RASA1: variants seen among roughly 807,000 people sequenced by gnomAD.
The protein encoded by RASA1 is ras GTPase-activating protein 1.
Under a neutral mutation model 132.2 loss-of-function variants are expected in RASA1, and 25 were observed. The ratio of observed to expected loss-of-function variants is 0.19; its 90% CI spans 0.14 to 0.26. The LOEUF is 0.26. Ranked by LOEUF, RASA1 falls within the 10% of genes least tolerant of loss-of-function variation. The pLI is 1.00. For missense variants in RASA1, 964 were observed against 1,299.2 expected (o/e 0.74, Z 3.97); for synonymous variants, 477 against 449.9 (o/e 1.06, Z -0.76).
intron 1 of RASA1, among the ~76,000 whole-genome samples, chr5:87,270,420 T>A (rs1753774542): frequency 6.8e-6 from 1 of 146,900 alleles, no homozygotes; most frequent in Non-Finnish European, 1.5e-5. Context: ...TGATCTCGGC[T>A]CACTGCAACC....
chr5:87,358,261 C>G (rs1450183720), intron 9 of RASA1, among the ~76,000 whole-genome samples: 1 of 152,128 alleles, frequency 6.6e-6, no homozygotes. Context: ...CCTTTTGAGA[C>G]AATATACCCC....
chr5:87,323,196 A>G (rs1756954407), intron 1 of RASA1, among the ~76,000 whole-genome samples: 1 of 152,220 alleles, frequency 6.6e-6, no homozygotes, highest in Non-Finnish European at 1.5e-5. Context: ...ATGACTTTTG[A>G]GTAAATTGTG....
At position 87,267,902 on chromosome 5, in the gene RASA1, T is replaced by G; in HGVS notation, c.-550T>G. The G allele has an allele frequency of 4.4e-5, 17 of 382,582 alleles. No individual in the cohort carries two copies. The highest frequency in any genetic ancestry group is 6.6e-4 in the Middle Eastern group (1 of 1,506). The allele number at this position is 382,582 out of a possible 1,614,324, so 23.7% of individuals were successfully genotyped here. On this transcript the variant is annotated 5_prime_UTR_variant, in exon 1 of 25. Transcript: ENST00000274376. ...CGTTTCACTCACTGAGAGCTCCAGG[T>G]AGTGAGCAGTTCAGTCGATTTCCTC...
At chr5:87,351,166 T>C (rs1226219921) in intron 8 of RASA1, among the ~76,000 whole-genome samples, 1 of 151,416 alleles carries the variant, frequency 6.6e-6, no homozygotes, top group Non-Finnish European at 1.5e-5. Flanking sequence ...TTAATGTTCC[T>C]ATATTCAGAG....
chr5:87,292,103 C>G lies in RASA1; in HGVS notation c.539+23113C>G, dbSNP rs115245019. Reference sequence around the variant, plus strand: ...AGATGTGTCTTTTGAAAATATTTTTCTCCCAGTCTATGGTTTGTCTTTTCA... The same window carrying G: ...AGATGTGTCTTTTGAAAATATTTTTGTCCCAGTCTATGGTTTGTCTTTTCA... On this transcript the variant is annotated intron_variant, in intron 1 of 24. Coordinates refer to ENST00000274376, the MANE Select transcript of RASA1 (RefSeq NM_002890.3). Among the ~76,000 whole-genome samples, 896 of 152,214 alleles carry G rather than the reference C, an allele frequency of 5.9e-3. 4 individuals are homozygous for G. The highest frequency in any genetic ancestry group is 0.019 in the African/African-American group (808 of 41,536).
chr5:87,298,191 C>T (rs1052011500), intron 1 of RASA1, among the ~76,000 whole-genome samples: 6 of 151,806 alleles, frequency 4.0e-5, no homozygotes, highest in African/African-American at 1.2e-4. Flanking sequence ...GGGTGGATCA[C>T]GAGGTCAGGA....
intron 1 of RASA1, among the ~76,000 whole-genome samples, chr5:87,287,176 A>G (rs1233862468): frequency 2.8e-5 from 4 of 144,306 alleles, no homozygotes; most frequent in African/African-American, 1.0e-4. Context: ...TATACACACC[A>G]TATATATATA....
chr5:87,293,250 AT>A (rs1164236637), intron 1 of RASA1, among the ~76,000 whole-genome samples: 109 of 143,420 alleles, frequency 7.6e-4, no homozygotes, highest in Middle Eastern at 3.5e-3. Context: ...TTTTTGGTAG[AT>A]TTTTTTTTTT....
chr5:87,385,697 CACAA>C (rs930059107), intron 22 of RASA1, among the ~76,000 whole-genome samples: 5 of 151,948 alleles, frequency 3.3e-5, no homozygotes, highest in African/African-American at 2.4e-5. Flanking sequence ...AAATTTATTT[CACAA>C]ACATTCACTG....
chr5:87,322,174 A>C (rs1756870423), intron 1 of RASA1, among the ~76,000 whole-genome samples: 1 of 152,104 alleles, frequency 6.6e-6, no homozygotes, highest in South Asian at 2.1e-4. Flanking sequence ...AGGGGTCCTC[A>C]ACCCCTACTC....
chr5:87,376,481 T>TCAA lies in RASA1; in HGVS notation c.2100_2101insCAA (p.Gly700_Ile701insGln). Reference sequence around the variant, plus strand: ...TCAGCTCCCATATACCATTAAAAGGTATTGAACCAGGGTCCCTGCGTGTTC... The same window carrying TCAA: ...TCAGCTCCCATATACCATTAAAAGGTCAAATTGAACCAGGGTCCCTGCGTGTTC... On this transcript the variant is annotated inframe_insertion, in exon 16 of 25. Transcript: ENST00000274376. 6.2e-7 allele frequency: 1 copy of TCAA among 1,613,988 alleles called. No individual in the cohort carries two copies. The highest frequency in any genetic ancestry group is 8.5e-7 in the Non-Finnish European group (1 of 1,179,980).
chr5:87,294,999 T>G (rs1289420030), intron 1 of RASA1, among the ~76,000 whole-genome samples: 1 of 152,090 alleles, frequency 6.6e-6, no homozygotes, highest in Admixed American at 6.5e-5. Flanking sequence ...AAGTTCTGGT[T>G]TTTTTTTATT....
chr5:87,309,083 T>G (rs938089535), intron 1 of RASA1, among the ~76,000 whole-genome samples: 1 of 152,178 alleles, frequency 6.6e-6, no homozygotes, highest in African/African-American at 2.4e-5. Flanking sequence ...TGCCACTGGC[T>G]CTCAGTTTCC....
At chr5:87,274,470 A>G (rs1753983253) in intron 1 of RASA1, among the ~76,000 whole-genome samples, 1 of 152,192 alleles carries the variant, frequency 6.6e-6, no homozygotes, top group Admixed American at 6.5e-5. Context: ...AGACTTGCTA[A>G]GATTAGTTAC....
At position 87,336,491 on chromosome 5, in the gene RASA1, C is replaced by A. The variant is rs1177700852; in HGVS notation, c.900-1483C>A. Among the ~76,000 whole-genome samples, 3 of 151,818 alleles carry A rather than the reference C, an allele frequency of 2.0e-5. No individual in the cohort carries two copies. In the East Asian group the frequency reaches 5.8e-4, roughly 29 times the overall value. ...ACCTGTGGATTTTAAAATAAAAATA[C>A]CTTAAAAATTAATGATTTAATAAAG... On this transcript the variant is annotated intron_variant, in intron 4 of 24. Transcript: ENST00000274376.
chr5:87,346,649 A>G (rs1403410020), intron 6 of RASA1, 23 bp from the exon 7 acceptor site: 1 of 1,457,842 alleles, frequency 6.9e-7, no homozygotes, highest in Non-Finnish European at 9.6e-7. Context: ...TTATTTATAT[A>G]TCTAATTTAT....
intron 11 of RASA1, among the ~76,000 whole-genome samples, chr5:87,367,242 T>A (rs1481612911): frequency 6.6e-6 from 1 of 152,176 alleles, no homozygotes; most frequent in Non-Finnish European, 1.5e-5. Flanking sequence ...AAAAATAGGT[T>A]GATAAATTAT....
chr5:87,376,221 G>A (rs570452914), intron 15 of RASA1, 172 bp from the exon 16 acceptor site: 38 of 737,456 alleles, frequency 5.2e-5, no homozygotes, highest in South Asian at 2.1e-4. Context: ...TTAGTGCACC[G>A]TAGACACTCA....
At chr5:87,281,327 C>T (rs545295670) in intron 1 of RASA1, among the ~76,000 whole-genome samples, 2 of 151,370 alleles carry the variant, frequency 1.3e-5, no homozygotes, top group South Asian at 2.1e-4. Context: ...ACTGCAATCT[C>T]GTCTCACTGC....
Sources: allele counts gnomAD v4.1 joint callset (sites outside exome capture counted in the v4.1 genomes callset), GRCh38; gene constraint gnomAD v4.1.1; transcripts MANE v1.5; gene names NCBI Gene and HGNC (gene_info 2026-07-23, HGNC 2026-07-21).